The following NCAM2 variants were observed in gnomAD, a reference collection of about 807,000 sequenced individuals.
NCAM2 encodes neural cell adhesion molecule 2, also known as N-CAM-2.
A neutral mutation model predicts 98.1 loss-of-function variants in NCAM2; 30 were observed. The ratio of observed to expected loss-of-function variants is 0.31; its 90% confidence interval spans 0.23 to 0.41. The LOEUF is 0.41. Among genes scored for constraint, NCAM2 ranks in the 10% least tolerant of loss-of-function variants. The pLI, the probability that NCAM2 is intolerant of heterozygous loss-of-function variation, is 1.00. For synonymous variants in NCAM2, 368 were observed against 342.4 expected (o/e 1.07, Z -0.83); for missense variants, 867 against 1,005.8 (o/e 0.86, Z 1.87).
chr21:21,438,030 A>G (rs1413631873), intron 12 of NCAM2, among the ~76,000 whole-genome samples: 1 of 152,060 alleles, frequency 6.6e-6, no homozygotes, highest in African/African-American at 2.4e-5. Context: ...GCACAATTAT[A>G]CTCATTCTCT....
Position 21,466,671 on chromosome 21 carries a change from G to T in NCAM2, c.1720G>T (p.Gly574Ter). The change falls in exon 13 of 18, where the codon GGA becomes TGA. Residue 574 changes from glycine to a stop codon, truncating the protein, a stop_gained. Transcript: ENST00000400546. LOFTEE classifies it high-confidence loss of function. ...TYEIRVAAVN[G>*]KGQGDYSKIE... is the part of the protein sequence containing the mutation. ...TGAAATCAGGGTTGCAGCTGTAAAT[G>T]GAAAGGGACAAGGAGACTACAGTAA... The T allele has an allele frequency of 6.2e-7, 1 of 1,610,250 alleles. No homozygotes were observed. The highest frequency in any genetic ancestry group is 8.5e-7 in the Non-Finnish European group (1 of 1,177,740).
In NCAM2 at chr21:21,274,252, A is replaced by G. The variant is rs1271224879; in HGVS notation, c.56-6326A>G. Among the ~76,000 whole-genome samples, 2 of 152,184 alleles carry G rather than the reference A, an allele frequency of 1.3e-5. 1 individual carries two copies. Among genetic ancestry groups the G allele is most frequent in the South Asian group, 4.1e-4 (2 of 4,836 alleles). On this transcript the variant is annotated intron_variant, in intron 1 of 17. Coordinates refer to ENST00000400546, the MANE Select transcript of NCAM2 (RefSeq NM_004540.5). Reference sequence around the variant, plus strand: ...GGGACATCTATTTTCCTAATTTAGGATGAGAAGATCAAAGAGGTTTGAGTA... The same window carrying G: ...GGGACATCTATTTTCCTAATTTAGGGTGAGAAGATCAAAGAGGTTTGAGTA...
Position 21,529,366 on chromosome 21 carries a change from G to C in NCAM2, c.2283-5171G>C, listed in dbSNP as rs1323557899. Among the ~76,000 whole-genome samples the C allele has an allele frequency of 2.6e-5, 4 of 152,100 alleles. No individual in the cohort carries two copies. In the East Asian group the frequency reaches 7.7e-4, roughly 29 times the overall value. ...AAATTTTCAATATTAAATTTGTTTTGGGATGTGTTTTATTTGGATTATTTT... is the reference window on the plus strand; with the variant it reads ...AAATTTTCAATATTAAATTTGTTTTCGGATGTGTTTTATTTGGATTATTTT... On this transcript the variant is annotated intron_variant, in intron 16 of 17. Coordinates refer to ENST00000400546, the MANE Select transcript of NCAM2 (RefSeq NM_004540.5).
intron 12 of NCAM2, among the ~76,000 whole-genome samples, chr21:21,448,222 G>T (rs1980485612): frequency 6.6e-6 from 1 of 152,044 alleles, no homozygotes; most frequent in Non-Finnish European, 1.5e-5. Context: ...CCATAGAAAG[G>T]AATGAGAACA....
chr21:21,136,637 T>TG (rs11381079), intron 1 of NCAM2, among the ~76,000 whole-genome samples: 54,949 of 148,696 alleles, frequency 0.37, 10,801 homozygotes, highest in African/African-American at 0.52. Flanking sequence ...TTTGTTTTTT[T>TG]TTTTATTTTT....
intron 1 of NCAM2, among the ~76,000 whole-genome samples, chr21:21,006,829 T>G (rs2146119956): frequency 6.6e-6 from 1 of 152,308 alleles, no homozygotes; most frequent in East Asian, 1.9e-4. Context: ...TTTTATTTTT[T>G]AAAGGCTACA....
chr21:21,391,722 C>T (rs1193963704), intron 9 of NCAM2, among the ~76,000 whole-genome samples: 1 of 152,104 alleles, frequency 6.6e-6, no homozygotes, highest in Non-Finnish European at 1.5e-5. Context: ...TTAATCAGAG[C>T]AAATCTCCTC....
chr21:21,265,970 A>G (rs2033427515), intron 1 of NCAM2, among the ~76,000 whole-genome samples: 2 of 152,134 alleles, frequency 1.3e-5, no homozygotes, highest in Admixed American at 1.3e-4. Context: ...AGATGTAATG[A>G]TTGAATGAAA....
At chr21:21,162,376 T>G (rs2067811015) in intron 1 of NCAM2, among the ~76,000 whole-genome samples, 1 of 152,096 alleles carries the variant, frequency 6.6e-6, no homozygotes, top group African/African-American at 2.4e-5. Flanking sequence ...GTCATGAGTT[T>G]GAAAAATATA....
At chr21:21,097,887 C>T (rs1464331992) in intron 1 of NCAM2, among the ~76,000 whole-genome samples, 3 of 30,768 alleles carry the variant, frequency 9.8e-5, no homozygotes, top group Non-Finnish European at 3.9e-4. Flanking sequence ...ACATGCTTTC[C>T]CAAATAGGAA....
intron 1 of NCAM2, among the ~76,000 whole-genome samples, chr21:21,117,020 A>G (rs1248464521): frequency 6.6e-6 from 1 of 152,198 alleles, no homozygotes; most frequent in Non-Finnish European, 1.5e-5. Context: ...TATTTATTTG[A>G]AGAAAAAGGA....
chr21:21,192,221 C>CAAAAAACA (rs2068845415), intron 1 of NCAM2, among the ~76,000 whole-genome samples: 1 of 149,302 alleles, frequency 6.7e-6, no homozygotes, highest in Non-Finnish European at 1.5e-5. Flanking sequence ...GAAACTCCCT[C>CAAAAAACA]AAAAAACAAA....
At chr21:21,007,738 G>A (rs2064137085) in intron 1 of NCAM2, among the ~76,000 whole-genome samples, 1 of 152,234 alleles carries the variant, frequency 6.6e-6, no homozygotes, top group South Asian at 2.1e-4. Context: ...GGTTTTGGTA[G>A]GTTTTGGCCG....
intron 8 of NCAM2, among the ~76,000 whole-genome samples, chr21:21,372,242 ACT>A (rs372115155): frequency 1.1e-4 from 16 of 151,950 alleles, no homozygotes; most frequent in Middle Eastern, 3.4e-3. Flanking sequence ...AGGACAATAA[ACT>A]CTAAAAATAA....
chr21:21,056,512 G>GTGTGTT (rs1462618720), intron 1 of NCAM2, among the ~76,000 whole-genome samples: 2 of 149,442 alleles, frequency 1.3e-5, no homozygotes. Context: ...GTGTGTGTGT[G>GTGTGTT]TGTGTGTGTG....
chr21:21,420,521 A>T (rs1205975285), intron 11 of NCAM2, among the ~76,000 whole-genome samples: 1 of 152,052 alleles, frequency 6.6e-6, no homozygotes, highest in Non-Finnish European at 1.5e-5. Context: ...GCATCTGTAA[A>T]GAAATTTTAT....
intron 8 of NCAM2, among the ~76,000 whole-genome samples, chr21:21,372,765 T>A (rs543072005): frequency 5.1e-4 from 77 of 151,898 alleles, no homozygotes; most frequent in African/African-American, 1.8e-3. Flanking sequence ...TTTCCAGAAT[T>A]TATGTTAATA....
intron 1 of NCAM2, among the ~76,000 whole-genome samples, chr21:21,180,234 A>T (rs1374482058): frequency 6.6e-6 from 1 of 152,050 alleles, no homozygotes; most frequent in Admixed American, 6.6e-5. Flanking sequence ...CAATAAAACA[A>T]TTAAATAAAA....
chr21:21,534,909 T>C (rs1989902629), intron 17 of NCAM2, among the ~76,000 whole-genome samples: 1 of 152,090 alleles, frequency 6.6e-6, no homozygotes. Context: ...TATAAAAAGG[T>C]AAGTATCTTA....
Sources: gnomAD v4.1 joint callset for allele counts (sites outside exome capture counted in the v4.1 genomes callset) on GRCh38, gnomAD v4.1.1 for gene constraint, MANE v1.5 for transcripts, NCBI Gene and HGNC (gene_info 2026-07-23, HGNC 2026-07-21) for gene names.